MYH9: variants seen among roughly 807,000 people sequenced by gnomAD.
The protein encoded by MYH9 is myosin heavy chain 9.
MYH9 carries 29 observed loss-of-function variants against 241.9 expected under a neutral mutation model. The ratio of observed to expected loss-of-function variants is 0.12; its 90% CI spans 0.09 to 0.16. MYH9 has a LOEUF of 0.16. Ranked by LOEUF, MYH9 falls within the 10% of genes least tolerant of loss-of-function variation. The probability of loss-of-function intolerance (pLI) is 1.00; values close to 1 mark genes in which losing one functional copy is unlikely to be tolerated. For missense variants in MYH9, 1,803 were observed against 2,595.5 expected (o/e 0.69, Z 6.63); for synonymous variants, 1,047 against 1,062.6 (o/e 0.99, Z 0.29).
At chr22:36,342,429 G>T (rs1188245114) in intron 2 of MYH9, among the ~76,000 whole-genome samples, 1 of 152,142 alleles carries the variant, frequency 6.6e-6, no homozygotes, top group Non-Finnish European at 1.5e-5. Flanking sequence ...CATAGCCTTG[G>T]AGAGGAGCTC....
At chr22:36,314,088 G>A in intron 13 of MYH9, 57 bp downstream of exon 13, 2 of 1,566,236 alleles carry the variant, frequency 1.3e-6, no homozygotes, top group Non-Finnish European at 1.8e-6. Context: ...AGGAGCGGGT[G>A]CCCCGGAAGG....
intron 1 of MYH9, among the ~76,000 whole-genome samples, chr22:36,369,358 T>C: frequency 6.6e-6 from 1 of 152,328 alleles, no homozygotes; most frequent in East Asian, 1.9e-4. Flanking sequence ...GCGTTTTTCA[T>C]GAGCATTTGG....
chr22:36,300,139 G>A lies in MYH9; in HGVS notation c.2964C>T (p.Cys988=), dbSNP rs1293471167. The change falls in exon 23 of 41, where the codon TGC becomes TGT. Residue 988 remains cysteine (C), a synonymous_variant. Transcript: ENST00000216181. The surrounding 1 kb of genome is among the most constrained non-coding windows in gnomAD (Gnocchi z 5.0). ...EEQIILEDQN[C]KLAKEKKLLE... is the part of the protein sequence containing the mutation. ...CCACGGGCCTCACCTTGGCCAGCTT[G>A]CAGTTCTGGTCCTCCAGGATGATCT... 4 of 1,611,936 alleles carry A rather than the reference G, an allele frequency of 2.5e-6. No individual in the cohort carries two copies. The highest frequency in any genetic ancestry group is 2.2e-5 in the South Asian group (2 of 91,088).
chr22:36,348,236 C>T (rs577388692), intron 2 of MYH9, among the ~76,000 whole-genome samples: 5 of 150,752 alleles, frequency 3.3e-5, no homozygotes, highest in East Asian at 1.9e-4. Flanking sequence ...AGGCCAGGTG[C>T]GGTGGCTCGC....
intron 14 of MYH9, among the ~76,000 whole-genome samples, chr22:36,311,581 C>A (rs1244041500): frequency 6.6e-6 from 1 of 152,164 alleles, no homozygotes; most frequent in Non-Finnish European, 1.5e-5. Flanking sequence ...CTGATTCATG[C>A]CACATGTTGG....
At chr22:36,339,696 T>G (rs1344673505) in intron 3 of MYH9, among the ~76,000 whole-genome samples, 2 of 152,148 alleles carry the variant, frequency 1.3e-5, no homozygotes, top group Non-Finnish European at 1.5e-5. Flanking sequence ...ACTGTCTAGA[T>G]AGACTGCAAA....
chr22:36,291,736 C>A (rs1308814853), intron 31 of MYH9, among the ~76,000 whole-genome samples: 1 of 141,096 alleles, frequency 7.1e-6, no homozygotes, highest in African/African-American at 2.6e-5. Flanking sequence ...TAGAGAAAAT[C>A]TGAAAAATGT....
chr22:36,311,873 C>G (rs1234926073), intron 14 of MYH9, among the ~76,000 whole-genome samples, 176 bp downstream of exon 14: 1 of 152,108 alleles, frequency 6.6e-6, no homozygotes. Flanking sequence ...GCTCTGTAAG[C>G]TGTGTAAATG....
In MYH9 at chr22:36,293,675, C is replaced by A; in HGVS notation, c.3942+84G>T. 2 of 1,385,058 alleles carry A rather than the reference C, an allele frequency of 1.4e-6. No homozygotes were observed. Among genetic ancestry groups the A allele is most frequent in the East Asian group, 2.3e-5 (1 of 42,742 alleles). 85.8% of individuals were successfully genotyped at this position (1,385,058 alleles called of 1,614,324 possible). On this transcript the variant is annotated intron_variant, in intron 29 of 40. Coordinates refer to ENST00000216181, the MANE Select transcript of MYH9 (RefSeq NM_002473.6). The surrounding 1 kb of genome is among the most constrained non-coding windows in gnomAD (Gnocchi z 5.1). ...CAGATGAAGGAGAGGATGGGCAATC[C>A]GATGGGCTCTGAAGCTAATGTTGCG...
Position 36,314,784 on chromosome 22 carries a change from G to A in MYH9, c.1381-466C>T, listed in dbSNP as rs565418118. 8.2e-4 allele frequency among the ~76,000 whole-genome samples: 124 copies of A among 152,140 alleles called. 2 individuals are homozygous for A. In the South Asian group the frequency reaches 0.024, roughly 30 times the overall value. On this transcript the variant is annotated intron_variant, in intron 12 of 40. Coordinates refer to ENST00000216181, the MANE Select transcript of MYH9 (RefSeq NM_002473.6). Reference sequence around the variant, plus strand: ...CCAGCTTAGCCTCCCTAGTAGCTGGGACCCCAGGCACACACTATGGTACAT... The same window carrying A: ...CCAGCTTAGCCTCCCTAGTAGCTGGAACCCCAGGCACACACTATGGTACAT...
At chr22:36,346,404 G>A (rs2017678983) in intron 2 of MYH9, among the ~76,000 whole-genome samples, 1 of 152,208 alleles carries the variant, frequency 6.6e-6, no homozygotes, top group African/African-American at 2.4e-5. Context: ...TCAGAAGCAT[G>A]AGTCTACCTC....
chr22:36,367,492 C>T (rs1191408867), intron 1 of MYH9, among the ~76,000 whole-genome samples: 10 of 152,180 alleles, frequency 6.6e-5, no homozygotes, highest in Non-Finnish European at 4.4e-5. Context: ...CTGCATTCCC[C>T]GGGGGAAATG....
At chr22:36,347,949 C>A (rs1053457204) in intron 2 of MYH9, among the ~76,000 whole-genome samples, 1 of 150,874 alleles carries the variant, frequency 6.6e-6, no homozygotes, top group Non-Finnish European at 1.5e-5. Flanking sequence ...AAGGAATCTA[C>A]TACATTTTTA....
chr22:36,310,296 G>C (rs530950591), intron 14 of MYH9, among the ~76,000 whole-genome samples: 1 of 151,102 alleles, frequency 6.6e-6, no homozygotes, highest in East Asian at 1.9e-4. Context: ...GATAGAGATA[G>C]GGTCTCACTA....
At chr22:36,349,434 G>GA (rs576871818) in intron 1 of MYH9, among the ~76,000 whole-genome samples, 179 bp from the exon 2 acceptor site, 33 of 152,276 alleles carry the variant, frequency 2.2e-4, no homozygotes, top group Non-Finnish European at 3.2e-4. Flanking sequence ...GTGCATCACT[G>GA]AAAAAACAAG....
intron 1 of MYH9, among the ~76,000 whole-genome samples, chr22:36,373,871 G>A (rs2018124805): frequency 6.6e-6 from 1 of 150,522 alleles, no homozygotes; most frequent in African/African-American, 2.5e-5. Context: ...ATGAAACATA[G>A]GAACTTTGCA....
chr22:36,284,400 C>T lies in MYH9; in HGVS notation c.5592+3G>A, dbSNP rs113947470. The stretch of plus-strand genomic sequence containing the variant: ...CTTCTCACTGCCCCACCAGCGCCCA[C>T]ACCTGGTCCTTGTACTGCTCGGCGT... On this transcript the variant is annotated splice_donor_region_variant and intron_variant, in intron 39 of 40. Coordinates refer to ENST00000216181, the MANE Select transcript of MYH9 (RefSeq NM_002473.6). The T allele has an allele frequency of 1.2e-6, 2 of 1,611,996 alleles. No individual in the cohort carries two copies. Among genetic ancestry groups the T allele is most frequent in the Non-Finnish European group, 1.7e-6 (2 of 1,180,016 alleles).
chr22:36,318,819 A>G (rs1328064418), intron 10 of MYH9, among the ~76,000 whole-genome samples: 1 of 151,506 alleles, frequency 6.6e-6, no homozygotes, highest in Non-Finnish European at 1.5e-5. Context: ...GCTGGAGTGC[A>G]GTGGCGCGAT....
In MYH9 at chr22:36,301,054, T is replaced by C. The variant is rs200328859; in HGVS notation, c.2635A>G (p.Met879Val). 8 of 1,609,260 alleles carry C rather than the reference T, an allele frequency of 5.0e-6. No individual in the cohort carries two copies. The highest frequency in any genetic ancestry group is 4.0e-5 in the African/African-American group (3 of 75,052). ...TCCTGCAGCTGCAATTTCTCTGCCATGAGCTGCAAACAACAAGTGGAAAAC... is the reference window on the plus strand; with the variant it reads ...TCCTGCAGCTGCAATTTCTCTGCCACGAGCTGCAAACAACAAGTGGAAAAC... ...TEMETLQSQL[M>V]AEKLQLQEQL... The change falls in exon 22 of 41, where the codon ATG (methionine) becomes GTG (valine). Residue 879 changes from methionine to valine, a missense_variant. Met to Val is a conservative substitution (Grantham distance 21, BLOSUM62 1). This residue lies in a region of MYH9 where 290 missense variants were observed against 360.5 expected (regional missense o/e 0.80). Coordinates refer to ENST00000216181, the MANE Select transcript of MYH9 (RefSeq NM_002473.6).
Sources: gnomAD v4.1 joint callset for allele counts (sites outside exome capture counted in the v4.1 genomes callset) on GRCh38, gnomAD v4.1.1 for gene constraint, gnomAD v4.1.1 regional missense constraint, Gnocchi (gnomAD v3.1) non-coding constraint, MANE v1.5 for transcripts, NCBI Gene and HGNC (gene_info 2026-07-23, HGNC 2026-07-21) for gene names.